TMOD3: variants seen among roughly 807,000 people sequenced by gnomAD.
TMOD3 encodes the protein tropomodulin-3.
TMOD3 carries 20 observed loss-of-function variants against 39.2 expected under a neutral mutation model. That is an observed-to-expected ratio of 0.51 (90% CI 0.36 to 0.74). The LOEUF (loss-of-function observed/expected upper bound fraction) is 0.74, where lower values mean the gene tolerates loss of function less well. Ranked by LOEUF, TMOD3 falls within the 30% of genes least tolerant of loss-of-function variation. The probability of loss-of-function intolerance (pLI) is 0.00; values close to 1 mark genes in which losing one functional copy is unlikely to be tolerated. For missense variants in TMOD3, 381 were observed against 412.8 expected (o/e 0.92, Z 0.67); for synonymous variants, 143 against 145.8 (o/e 0.98, Z 0.14).
chr15:51,838,243 C>G (rs1033837410), intron 1 of TMOD3, among the ~76,000 whole-genome samples: 1 of 152,192 alleles, frequency 6.6e-6, no homozygotes, highest in African/African-American at 2.4e-5. Context: ...CTGTCCCTCC[C>G]TGACCACCCA....
intron 1 of TMOD3, chr15:51,860,808 C>T (rs1050919784): frequency 6.1e-5 from 22 of 362,512 alleles, no homozygotes; most frequent in African/African-American, 3.2e-4. Context: ...TGGTGGCAGG[C>T]GCCTGTGGTC....
chr15:51,888,963 G>T, intron 4 of TMOD3, 93 bp from the exon 5 acceptor site: 1 of 753,684 alleles, frequency 1.3e-6, no homozygotes. Context: ...ATAGGAAAAG[G>T]TCCAGAGGAT....
chr15:51,898,205 C>G (rs1011693425), intron 7 of TMOD3, among the ~76,000 whole-genome samples: 1 of 152,182 alleles, frequency 6.6e-6, no homozygotes, highest in Admixed American at 6.5e-5. Flanking sequence ...GCCATACAGC[C>G]TTCTTCAGCA....
At chr15:51,871,515 A>AT (rs1453178778) in intron 3 of TMOD3, among the ~76,000 whole-genome samples, 3 of 152,202 alleles carry the variant, frequency 2.0e-5, no homozygotes, top group African/African-American at 7.2e-5. Context: ...AAACTATGGA[A>AT]TTTGAGGATA....
At chr15:51,905,296 G>A (rs1023769422) in intron 9 of TMOD3, among the ~76,000 whole-genome samples, 1 of 152,194 alleles carries the variant, frequency 6.6e-6, no homozygotes, top group Admixed American at 6.5e-5. Flanking sequence ...TCAGGAGTTT[G>A]AGACCAGCCT....
intron 3 of TMOD3, among the ~76,000 whole-genome samples, chr15:51,879,862 A>ACACACACACAC (rs1311008890): frequency 6.7e-6 from 1 of 148,182 alleles, no homozygotes; most frequent in African/African-American, 2.6e-5. Flanking sequence ...TCTTTCACAC[A>ACACACACACAC]CACACACACA....
At chr15:51,843,410 C>G (rs559186430) in intron 1 of TMOD3, among the ~76,000 whole-genome samples, 2 of 151,886 alleles carry the variant, frequency 1.3e-5, no homozygotes, top group African/African-American at 2.4e-5. Flanking sequence ...CAAAATCACC[C>G]GAGAAACTGT....
chr15:51,893,639 C>T (rs560796060), intron 5 of TMOD3, among the ~76,000 whole-genome samples, 176 bp from the exon 6 acceptor site: 2 of 152,222 alleles, frequency 1.3e-5, no homozygotes, highest in Admixed American at 6.5e-5. Context: ...GTGGCAGGCA[C>T]CTGTAGTCCC....
intron 3 of TMOD3, among the ~76,000 whole-genome samples, chr15:51,876,929 G>A (rs1471090311): frequency 6.6e-6 from 1 of 152,132 alleles, no homozygotes; most frequent in Non-Finnish European, 1.5e-5. Flanking sequence ...TGGATGCGGT[G>A]GTGTGTGCCT....
At chr15:51,881,496 A>G (rs907030141) in intron 3 of TMOD3, among the ~76,000 whole-genome samples, 2 of 148,694 alleles carry the variant, frequency 1.3e-5, no homozygotes, top group African/African-American at 5.0e-5. Context: ...TTGGTGGCAT[A>G]TCTAAAAACC....
chr15:51,832,294 A>G (rs1350591067), intron 1 of TMOD3, among the ~76,000 whole-genome samples: 3 of 147,322 alleles, frequency 2.0e-5, no homozygotes, highest in African/African-American at 5.0e-5. Flanking sequence ...ATACTTATGT[A>G]TAGTCCACAG....
chr15:51,901,802 G>T lies in TMOD3; in HGVS notation c.880-90G>T, dbSNP rs560992899. The T allele has an allele frequency of 1.5e-5, 20 of 1,325,636 alleles. No individual in the cohort carries two copies. The African/African-American group carries it at 3.0e-4, about 20-fold the overall frequency. 82.1% of individuals were successfully genotyped at this position (1,325,636 alleles called of 1,614,324 possible). A position where few individuals can be genotyped will look rare whatever the true frequency, so the allele number is the denominator to read the frequency against. On this transcript the variant is annotated intron_variant, in intron 8 of 9. Transcript: ENST00000308580. The stretch of plus-strand genomic sequence containing the variant: ...ATTGGGAACATTTAAAGAGATCAAA[G>T]AATTAGCATGTGCCTGAATGTCTTA...
intron 2 of TMOD3, among the ~76,000 whole-genome samples, chr15:51,867,953 G>C (rs866646125): frequency 1.3e-5 from 2 of 152,166 alleles, no homozygotes; most frequent in South Asian, 2.1e-4. Flanking sequence ...GCTCAAAAAG[G>C]CTGTACCCGT....
intron 1 of TMOD3, among the ~76,000 whole-genome samples, chr15:51,848,109 A>G (rs1208359808): frequency 6.6e-6 from 1 of 152,226 alleles, no homozygotes; most frequent in African/African-American, 2.4e-5. Flanking sequence ...CTGGTGTCTT[A>G]TTGGACTTCT....
chr15:51,899,911 T>C (rs1168424227), intron 7 of TMOD3, among the ~76,000 whole-genome samples: 1 of 152,168 alleles, frequency 6.6e-6, no homozygotes, highest in East Asian at 1.9e-4. Context: ...GCAAATACTA[T>C]GCCATTTTCT....
Position 51,898,774 on chromosome 15 carries a change from A to G in TMOD3, c.736-1381A>G, listed in dbSNP as rs142120792. ...TTTGATCCCTCTAAGGGGCTGTTTT[A>G]TATAAACTCATGATCATTGTTCTTT... is the stretch of plus-strand genomic sequence containing the variant. On this transcript the variant is annotated intron_variant, in intron 7 of 9. Coordinates refer to ENST00000308580, the MANE Select transcript of TMOD3 (RefSeq NM_014547.5). Among the ~76,000 whole-genome samples, 13 of 152,156 alleles carry G rather than the reference A, an allele frequency of 8.5e-5. No homozygotes were observed. The East Asian group carries it at 2.5e-3, about 29-fold the overall frequency.
chr15:51,897,577 C>T (rs1393130236), intron 7 of TMOD3, among the ~76,000 whole-genome samples: 15 of 150,372 alleles, frequency 1.0e-4, no homozygotes, highest in South Asian at 2.1e-4. Context: ...CTCCGCCTCC[C>T]GGGTTCAAGC....
chr15:51,842,521 G>A (rs143931009), intron 1 of TMOD3, among the ~76,000 whole-genome samples: 5 of 152,058 alleles, frequency 3.3e-5, no homozygotes, highest in Non-Finnish European at 7.4e-5. Context: ...CTGCTGTGTG[G>A]TTACTTACAA....
At chr15:51,863,304 A>G (rs766376590) in intron 2 of TMOD3, among the ~76,000 whole-genome samples, 2 of 152,194 alleles carry the variant, frequency 1.3e-5, no homozygotes, top group African/African-American at 2.4e-5. Flanking sequence ...TTTTAGTACA[A>G]TGCAGCAGAT....
Sources: allele counts gnomAD v4.1 joint callset (sites outside exome capture counted in the v4.1 genomes callset), GRCh38; gene constraint gnomAD v4.1.1; transcripts MANE v1.5; gene names NCBI Gene and HGNC (gene_info 2026-07-23, HGNC 2026-07-21).